The following CA6 variants were observed in gnomAD, a reference collection of about 807,000 sequenced individuals.
The protein encoded by CA6 is carbonic anhydrase 6.
In CA6, 28 loss-of-function variants were observed where a neutral mutation model predicts 35.9. That is an observed-to-expected ratio of 0.78 (90% confidence interval 0.58 to 1.07). The LOEUF is 1.07. CA6 is among the 50% of genes least tolerant of loss of function. The pLI is 0.00. For synonymous variants in CA6, 148 were observed against 152.6 expected (o/e 0.97, Z 0.22); for missense variants, 377 against 382.0 (o/e 0.99, Z 0.11).
At chr1:8,951,616 T>C (rs1639537983) in intron 2 of CA6, 1 of 765,022 alleles carries the variant, frequency 1.3e-6, no homozygotes, top group African/African-American at 1.7e-5. Context: ...AGGGAAGGCA[T>C]ATGGAAGAGA....
chr1:8,953,285 C>T (rs578070884), intron 2 of CA6, among the ~76,000 whole-genome samples: 13 of 152,210 alleles, frequency 8.5e-5, no homozygotes, highest in East Asian at 3.9e-4. Flanking sequence ...CAAAGACATC[C>T]GGGCTGCTTC....
At chr1:8,951,940 T>C (rs6681395) in intron 2 of CA6, 88,642 of 176,540 alleles carry the variant, frequency 0.5, 22,529 homozygotes, top group East Asian at 0.61. Context: ...CTGCCTCAGC[T>C]TCCCTGGTAC....
chr1:8,957,372 G>A lies in CA6; in HGVS notation c.408+87G>A, dbSNP rs1008538148. 61 of 1,323,558 alleles carry A rather than the reference G, an allele frequency of 4.6e-5. No individual in the cohort carries two copies. In the African/African-American group the frequency reaches 5.7e-4, roughly 12 times the overall value. The allele number at this position is 1,323,558 out of a possible 1,614,324, so 82.0% of individuals were successfully genotyped here. ...TTTATTTATTTTGAGACAGAGTCTC[G>A]CTCTGTTGCCCCGGCTGGAGTGCAG... On this transcript the variant is annotated intron_variant, in intron 3 of 7. Coordinates refer to ENST00000377443, the MANE Select transcript of CA6 (RefSeq NM_001215.4).
chr1:8,974,455 A>T, intron 7 of CA6, 167 bp from the exon 8 acceptor site: 1 of 1,520,636 alleles, frequency 6.6e-7, no homozygotes, highest in East Asian at 2.4e-5. Context: ...GTTCAAACAC[A>T]GTGAAGATGA....
At position 8,947,006 on chromosome 1, in the gene CA6, G is replaced by A. The variant is rs558364469; in HGVS notation, c.79+1041G>A. Among the ~76,000 whole-genome samples, 83 of 152,000 alleles carry A rather than the reference G, an allele frequency of 5.5e-4. 1 individual carries two copies. Among genetic ancestry groups the A allele is most frequent in the Admixed American group, 1.4e-3 (21 of 15,272 alleles). On this transcript the variant is annotated intron_variant, in intron 1 of 7. Transcript: ENST00000377443. ...TTTAGTGGAGATGGGGTTTTACCACGTTGGCCAGGCTGTTCTCAAACTTCT... is the reference window on the plus strand; with the variant it reads ...TTTAGTGGAGATGGGGTTTTACCACATTGGCCAGGCTGTTCTCAAACTTCT...
intron 2 of CA6, among the ~76,000 whole-genome samples, chr1:8,953,753 G>C (rs1639602485): frequency 6.6e-6 from 1 of 152,166 alleles, no homozygotes; most frequent in Admixed American, 6.5e-5. Context: ...TTGAACCAGA[G>C]TGACCCCATC....
intron 1 of CA6, among the ~76,000 whole-genome samples, chr1:8,948,138 G>C (rs370195341): frequency 6.6e-6 from 1 of 152,016 alleles, no homozygotes; most frequent in East Asian, 1.9e-4. Context: ...ATGAGCCACC[G>C]TGCCCAGCCA....
rs771632160 is a variant in CA6, at chr1:8,958,989, C to A, written c.488C>A (p.Ala163Glu). The change falls in exon 4 of 8, where the codon GCA becomes GAA. Residue 163 changes from alanine to glutamate, a missense_variant. Coordinates refer to ENST00000377443, the MANE Select transcript of CA6 (RefSeq NM_001215.4). ...GCGCCGGATGGTTTGGCTGTACTGG[C>A]AGCCTTCGTTGAGGTAAGCAGAAAC... The part of the protein sequence containing the change: ...QDAPDGLAVL[A>E]AFVEVKNYPE... 1.9e-6 allele frequency: 3 copies of A among 1,608,748 alleles called. No homozygotes were observed. Among genetic ancestry groups the A allele is most frequent in the Non-Finnish European group, 2.6e-6 (3 of 1,175,250 alleles).
intron 2 of CA6, among the ~76,000 whole-genome samples, chr1:8,955,657 C>T (rs1423257156): frequency 6.6e-6 from 1 of 152,218 alleles, no homozygotes; most frequent in Non-Finnish European, 1.5e-5. Flanking sequence ...CCTTTTAAGG[C>T]CCTTCCGTCC....
intron 6 of CA6, among the ~76,000 whole-genome samples, chr1:8,970,075 G>C (rs888439021): frequency 2.6e-5 from 4 of 151,898 alleles, no homozygotes; most frequent in Non-Finnish European, 5.9e-5. Context: ...GTGTGGGTGG[G>C]TGCCTGTAGT....
intron 4 of CA6, among the ~76,000 whole-genome samples, chr1:8,959,313 T>TC (rs1398086893): frequency 1.3e-5 from 2 of 149,120 alleles, no homozygotes; most frequent in African/African-American, 5.0e-5. Flanking sequence ...CCTCTGCATT[T>TC]CCTTTTTTTT....
intron 2 of CA6, among the ~76,000 whole-genome samples, chr1:8,956,376 T>G (rs960198958): frequency 1.3e-5 from 2 of 152,036 alleles, no homozygotes; most frequent in Non-Finnish European, 2.9e-5. Flanking sequence ...GGCAGAGATT[T>G]CAGCTGGGCG....
intron 4 of CA6, 56 bp downstream of exon 4, chr1:8,959,058 A>C: frequency 2.9e-6 from 3 of 1,028,510 alleles, no homozygotes; most frequent in Admixed American, 1.8e-5. Flanking sequence ...TGATGTCCAA[A>C]CAAGGTGTGA....
At chr1:8,948,898 AG>A (rs1184083289) in intron 1 of CA6, among the ~76,000 whole-genome samples, 1 of 151,218 alleles carries the variant, frequency 6.6e-6, no homozygotes, top group Non-Finnish European at 1.5e-5. Flanking sequence ...TGAATCTGGG[AG>A]GCAGAGGTTG....
At chr1:8,947,499 C>A (rs1639398026) in intron 1 of CA6, among the ~76,000 whole-genome samples, 1 of 152,082 alleles carries the variant, frequency 6.6e-6, no homozygotes, top group Non-Finnish European at 1.5e-5. Context: ...TTCCTGAGGA[C>A]AGTGATCTTA....
chr1:8,974,776 A>T lies in CA6; in HGVS notation c.*72A>T. 2 of 827,040 alleles carry T rather than the reference A, an allele frequency of 2.4e-6. No individual in the cohort carries two copies. Among genetic ancestry groups the T allele is most frequent in the South Asian group, 1.8e-5 (1 of 55,540 alleles). 51.2% of individuals were successfully genotyped at this position (827,040 alleles called of 1,614,324 possible). On this transcript the variant is annotated 3_prime_UTR_variant, in exon 8 of 8. Transcript: ENST00000377443. ...CTAGCCAGAAGTGCCTGTCCGCTGC[A>T]GCCGCACCCTACCTTGTCTAAGAAA...
In CA6 at chr1:8,970,862, C is replaced by A. The variant is rs1640090712; in HGVS notation, c.730-5C>A. The A allele has an allele frequency of 1.9e-6, 3 of 1,587,382 alleles. No individual in the cohort carries two copies. The East Asian group carries it at 6.7e-5, about 36-fold the overall frequency. Reference sequence around the variant, plus strand: ...CCCTCCATAATGCACTCACGTTGCCCCCAGGTTTGGAAGCTGGAGAATTCC... The same window carrying A: ...CCCTCCATAATGCACTCACGTTGCCACCAGGTTTGGAAGCTGGAGAATTCC... On this transcript the variant is annotated splice_polypyrimidine_tract_variant and splice_region_variant and intron_variant, in intron 6 of 7. Coordinates refer to ENST00000377443, the MANE Select transcript of CA6 (RefSeq NM_001215.4).
rs1033857211 is a variant in CA6 at position 8,963,603 on chromosome 1, G to A, written c.571+947G>A. 2.0e-5 allele frequency among the ~76,000 whole-genome samples: 3 copies of A among 152,118 alleles called. No individual in the cohort carries two copies. The highest frequency in any genetic ancestry group is 2.9e-5 in the Non-Finnish European group (2 of 68,018). On this transcript the variant is annotated intron_variant, in intron 5 of 7. Coordinates refer to ENST00000377443, the MANE Select transcript of CA6 (RefSeq NM_001215.4). This position sits in a 1 kb window ranked among gnomAD's most constrained non-coding sequence, Gnocchi z 4.1. ...GTTGCATAGGCTGGGGTGCAATGGC[G>A]CGATCATGGCTCAGTGCAGCCTCGA...
chr1:8,946,660 G>A (rs75986281), intron 1 of CA6, among the ~76,000 whole-genome samples: 2,576 of 152,040 alleles, frequency 0.017, 79 homozygotes, highest in African/African-American at 0.058. Context: ...AAGACTCTCG[G>A]TAACCTCACG....
Sources: allele counts gnomAD v4.1 joint callset (sites outside exome capture counted in the v4.1 genomes callset), GRCh38; gene constraint gnomAD v4.1.1; non-coding constraint Gnocchi (gnomAD v3.1); transcripts MANE v1.5; gene names NCBI Gene and HGNC (gene_info 2026-07-23, HGNC 2026-07-21).